Variants in GSAP observed in about 807,000 individuals in gnomAD.
GSAP encodes the protein gamma-secretase activating protein, also known as gamma-secretase-activating protein.
A neutral mutation model predicts 131.7 loss-of-function variants in GSAP; 118 were observed. That is an observed-to-expected ratio of 0.90 (90% CI 0.77 to 1.04). The LOEUF is 1.04. Ranked by LOEUF, GSAP falls within the 50% of genes least tolerant of loss-of-function variation. The pLI is 0.00. For synonymous variants in GSAP, 381 were observed against 363.4 expected (o/e 1.05, Z -0.55); for missense variants, 1,019 against 1,013.2 (o/e 1.01, Z -0.08).
chr7:77,382,793 T>C (rs955768692), intron 6 of GSAP, 150 bp from the exon 7 acceptor site: 32 of 541,238 alleles, frequency 5.9e-5, no homozygotes, highest in Non-Finnish European at 1.0e-4. Context: ...ACACACACAT[T>C]GCAGGTCAAA....
intron 1 of GSAP, among the ~76,000 whole-genome samples, chr7:77,409,620 C>T (rs1304301277): frequency 6.6e-6 from 1 of 152,100 alleles, no homozygotes; most frequent in African/African-American, 2.4e-5. Context: ...GTTTGTTCAT[C>T]CTGTACACGA....
intron 28 of GSAP, among the ~76,000 whole-genome samples, chr7:77,313,022 G>A (rs1419297698): frequency 6.6e-6 from 1 of 152,116 alleles, no homozygotes; most frequent in Non-Finnish European, 1.5e-5. Context: ...CACTCTAAGT[G>A]TTGATATTCC....
At chr7:77,393,660 T>TAC (rs1291857239) in intron 5 of GSAP, among the ~76,000 whole-genome samples, 2 of 150,502 alleles carry the variant, frequency 1.3e-5, no homozygotes, top group Non-Finnish European at 2.9e-5. Flanking sequence ...CATATATATA[T>TAC]ACATATATAC....
chr7:77,317,091 C>T (rs548848238), intron 26 of GSAP, among the ~76,000 whole-genome samples: 3 of 152,074 alleles, frequency 2.0e-5, no homozygotes, highest in South Asian at 4.2e-4. Context: ...TGCACATGCA[C>T]ACACACACAT....
chr7:77,365,111 T>A (rs78585346), intron 12 of GSAP, among the ~76,000 whole-genome samples: 2,386 of 152,204 alleles, frequency 0.016, 64 homozygotes, highest in African/African-American at 0.055. Flanking sequence ...CATGTGTGCC[T>A]GGCTAATTAT....
chr7:77,348,667 T>C (rs565542022), intron 19 of GSAP, among the ~76,000 whole-genome samples: 3 of 152,340 alleles, frequency 2.0e-5, no homozygotes, highest in Admixed American at 2.0e-4. Context: ...TCAAGGAAAC[T>C]GTGCTAAAAC....
At chr7:77,395,008 C>T (rs1800130129) in intron 5 of GSAP, among the ~76,000 whole-genome samples, 1 of 152,216 alleles carries the variant, frequency 6.6e-6, no homozygotes, top group African/African-American at 2.4e-5. Context: ...GATCATCTCA[C>T]TATAAGTGCA....
intron 22 of GSAP, chr7:77,328,236 C>T (rs1788586182): frequency 4.9e-6 from 5 of 1,025,658 alleles, no homozygotes; most frequent in Non-Finnish European, 5.8e-6. Flanking sequence ...GAGGCACAAA[C>T]AAGGCAAGAC....
At chr7:77,378,601 A>C (rs905901851) in intron 8 of GSAP, among the ~76,000 whole-genome samples, 1 of 152,192 alleles carries the variant, frequency 6.6e-6, no homozygotes, top group Non-Finnish European at 1.5e-5. Flanking sequence ...ACAAAGTCAG[A>C]ACTATGGAAC....
chr7:77,390,876 G>T (rs1343964921), intron 5 of GSAP, among the ~76,000 whole-genome samples: 1 of 146,526 alleles, frequency 6.8e-6, no homozygotes, highest in Non-Finnish European at 1.5e-5. Flanking sequence ...TTGAAACCAG[G>T]AGGCGGAAGT....
chr7:77,399,846 C>A lies in GSAP; in HGVS notation c.244-2431G>T, dbSNP rs1462553758. On this transcript the variant is annotated intron_variant, in intron 3 of 30. Coordinates refer to ENST00000257626, the MANE Select transcript of GSAP (RefSeq NM_017439.4). ...GAGAAGGCAGCAGACTCTTTAGGGA[C>A]CTCAGATCCTGATGAATGACATACT... Among the ~76,000 whole-genome samples the A allele has an allele frequency of 3.9e-5, 6 of 152,186 alleles. No homozygotes were observed. In the South Asian group the frequency reaches 8.3e-4, roughly 21 times the overall value.
intron 19 of GSAP, among the ~76,000 whole-genome samples, chr7:77,341,437 G>T (rs933849412): frequency 6.6e-6 from 1 of 152,130 alleles, no homozygotes; most frequent in Admixed American, 6.5e-5. Context: ...CACCTGGTCT[G>T]GCTTACAGTT....
intron 1 of GSAP, among the ~76,000 whole-genome samples, chr7:77,411,098 T>TAAAAA (rs57255266): frequency 2.8e-5 from 3 of 108,836 alleles, no homozygotes; most frequent in Non-Finnish European, 3.7e-5. Context: ...AAGAAAATAG[T>TAAAAA]AAAAAAAAAA....
intron 17 of GSAP, 151 bp from the exon 18 acceptor site, chr7:77,353,177 C>T: frequency 5.0e-6 from 3 of 596,124 alleles, no homozygotes; most frequent in Non-Finnish European, 9.0e-6. Flanking sequence ...ATTTTATCTA[C>T]TGACTAAAAT....
At chr7:77,339,517 C>T (rs1186572436) in intron 19 of GSAP, among the ~76,000 whole-genome samples, 1 of 152,110 alleles carries the variant, frequency 6.6e-6, no homozygotes, top group African/African-American at 2.4e-5. Context: ...TACTTGTCCT[C>T]AGTATTAATA....
chr7:77,391,178 CTT>C (rs58633837), intron 5 of GSAP, among the ~76,000 whole-genome samples: 1 of 137,610 alleles, frequency 7.3e-6, no homozygotes. Flanking sequence ...ATATATTTGG[CTT>C]TTTTTTTTAA....
chr7:77,404,710 G>C (rs1447042699), intron 2 of GSAP, 95 bp from the exon 3 acceptor site: 3 of 723,062 alleles, frequency 4.1e-6, no homozygotes, highest in Non-Finnish European at 7.4e-6. Context: ...CTCAATCTTA[G>C]CAGTAAGCAC....
At chr7:77,360,521 T>C (rs1049052976) in intron 14 of GSAP, among the ~76,000 whole-genome samples, 1 of 152,226 alleles carries the variant, frequency 6.6e-6, no homozygotes, top group African/African-American at 2.4e-5. Context: ...CAAGTTATCA[T>C]TTTTATGTTA....
At chr7:77,382,538 A>G (rs922421182) in intron 7 of GSAP, 36 bp downstream of exon 7, 1 of 1,096,354 alleles carries the variant, frequency 9.1e-7, no homozygotes, top group Non-Finnish European at 1.4e-6. Context: ...TATGCCATTC[A>G]TGAAATTCCC....
Sources: gnomAD v4.1 joint callset for allele counts (sites outside exome capture counted in the v4.1 genomes callset) on GRCh38, gnomAD v4.1.1 for gene constraint, MANE v1.5 for transcripts, NCBI Gene and HGNC (gene_info 2026-07-23, HGNC 2026-07-21) for gene names.